DIAPH3: variants seen among roughly 807,000 people sequenced by gnomAD.
DIAPH3 encodes the protein diaphanous related formin 3.
In DIAPH3, 117 loss-of-function variants were observed where a neutral mutation model predicts 144.3. The ratio of observed to expected loss-of-function variants is 0.81; its 90% CI spans 0.70 to 0.95. The LOEUF (loss-of-function observed/expected upper bound fraction) is 0.95. DIAPH3 is among the 40% of genes least tolerant of loss of function. The pLI is 0.00. For missense variants in DIAPH3, 1,421 were observed against 1,412.7 expected (o/e 1.01, Z -0.09); for synonymous variants, 519 against 488.9 (o/e 1.06, Z -0.81).
chr13:59,708,071 T>A (rs1247395539), intron 27 of DIAPH3, among the ~76,000 whole-genome samples: 2 of 152,066 alleles, frequency 1.3e-5, no homozygotes, highest in East Asian at 3.9e-4. Flanking sequence ...TTCATTTTAT[T>A]ATTTTTTTAG....
At chr13:60,137,556 G>A (rs944421421) in intron 1 of DIAPH3, among the ~76,000 whole-genome samples, 1 of 152,020 alleles carries the variant, frequency 6.6e-6, no homozygotes, top group Non-Finnish European at 1.5e-5. Context: ...TCTTTCATTG[G>A]TTAGCATATC....
chr13:59,970,920 G>A lies in DIAPH3; in HGVS notation c.1891C>T (p.Pro631Ser). ...GQNSPPLPIL[P>S]FGLKPKKEFK... ...TCTTTCTTTGGTTTCAACCCAAATGGCAGGATTGGTAGAGGAGGAGAATTT... is the reference window on the plus strand; with the variant it reads ...TCTTTCTTTGGTTTCAACCCAAATGACAGGATTGGTAGAGGAGGAGAATTT... Residue 631 changes from proline to serine, a missense_variant, in exon 16 of 28, where the codon CCA (proline) becomes TCA (serine). Physicochemically the swap from Pro to Ser is moderately conservative, Grantham distance 74. Coordinates refer to ENST00000400324, the MANE Select transcript of DIAPH3 (RefSeq NM_001042517.2). 6.2e-7 allele frequency: 1 copy of A among 1,613,776 alleles called. No homozygotes were observed. The highest frequency in any genetic ancestry group is 8.5e-7 in the Non-Finnish European group (1 of 1,179,944).
intron 24 of DIAPH3, among the ~76,000 whole-genome samples, chr13:59,822,894 T>C (rs17666224): frequency 0.043 from 6,544 of 151,864 alleles, 162 homozygotes; most frequent in African/African-American, 0.052. Context: ...ACAAAGAACA[T>C]ACCATTTTAT....
chr13:59,870,743 TCAC>T (rs973898780), intron 21 of DIAPH3, among the ~76,000 whole-genome samples: 2 of 151,386 alleles, frequency 1.3e-5, no homozygotes, highest in Non-Finnish European at 2.9e-5. Flanking sequence ...CGATCTCGGC[TCAC>T]CACAACCTCC....
chr13:60,091,821 TA>T (rs1279079469), intron 4 of DIAPH3, among the ~76,000 whole-genome samples: 1 of 152,008 alleles, frequency 6.6e-6, no homozygotes, highest in African/African-American at 2.4e-5. Flanking sequence ...AATCATGAAA[TA>T]AACAATTTAA....
intron 24 of DIAPH3, among the ~76,000 whole-genome samples, chr13:59,830,813 C>T (rs2139706118): frequency 6.6e-6 from 1 of 151,980 alleles, no homozygotes. Context: ...AATAATTGAT[C>T]TAAAATATGT....
At chr13:60,052,276 G>C (rs1052032935) in intron 4 of DIAPH3, among the ~76,000 whole-genome samples, 10 of 152,114 alleles carry the variant, frequency 6.6e-5, no homozygotes, top group African/African-American at 2.2e-4. Flanking sequence ...AGGGCACTAA[G>C]TAAATAGGAA....
At chr13:59,908,104 C>G in intron 20 of DIAPH3, among the ~76,000 whole-genome samples, 1 of 152,066 alleles carries the variant, frequency 6.6e-6, no homozygotes, top group East Asian at 1.9e-4. Flanking sequence ...GGTGCAGTGG[C>G]TCACACCTGT....
chr13:59,955,723 G>A (rs1298029733), intron 17 of DIAPH3, among the ~76,000 whole-genome samples: 1 of 152,184 alleles, frequency 6.6e-6, no homozygotes, highest in East Asian at 1.9e-4. Context: ...TCAGAAGACA[G>A]GAAGATGTGG....
intron 4 of DIAPH3, among the ~76,000 whole-genome samples, chr13:60,079,745 T>A (rs1012280878): frequency 1.3e-5 from 2 of 152,032 alleles, no homozygotes; most frequent in Non-Finnish European, 2.9e-5. Context: ...TACATACTTG[T>A]ATATTTCATG....
At chr13:59,994,781 G>C (rs1472002688) in intron 9 of DIAPH3, among the ~76,000 whole-genome samples, 1 of 151,824 alleles carries the variant, frequency 6.6e-6, no homozygotes, top group Non-Finnish European at 1.5e-5. Flanking sequence ...AGAAAGGGGA[G>C]TAACGGGAAG....
At chr13:59,828,983 C>G (rs1334888443) in intron 24 of DIAPH3, among the ~76,000 whole-genome samples, 3 of 151,734 alleles carry the variant, frequency 2.0e-5, no homozygotes, top group South Asian at 4.2e-4. Flanking sequence ...GATTTTGAAA[C>G]TTTTCCCCCT....
At chr13:59,859,523 T>A (rs944592574) in intron 22 of DIAPH3, among the ~76,000 whole-genome samples, 2 of 152,134 alleles carry the variant, frequency 1.3e-5, no homozygotes, top group African/African-American at 4.8e-5. Flanking sequence ...CAATAAATTC[T>A]ACAATAAAAA....
chr13:59,978,920 A>G (rs1459174067), intron 14 of DIAPH3, among the ~76,000 whole-genome samples: 1 of 151,692 alleles, frequency 6.6e-6, no homozygotes, highest in Non-Finnish European at 1.5e-5. Context: ...TTCTCTATAT[A>G]CTTTCTGACA....
At chr13:59,935,603 C>T (rs1452947221) in intron 17 of DIAPH3, among the ~76,000 whole-genome samples, 8 of 151,992 alleles carry the variant, frequency 5.3e-5, no homozygotes, top group African/African-American at 1.7e-4. Context: ...GGCAATAGAC[C>T]GTTGGGAAAA....
intron 27 of DIAPH3, among the ~76,000 whole-genome samples, chr13:59,711,890 A>C (rs1445978634): frequency 1.3e-5 from 2 of 152,216 alleles, no homozygotes; most frequent in Admixed American, 6.5e-5. Flanking sequence ...CTCAATGGAC[A>C]AAGGATGGTA....
intron 17 of DIAPH3, among the ~76,000 whole-genome samples, chr13:59,929,419 G>A (rs1202198383): frequency 6.6e-6 from 1 of 150,642 alleles, no homozygotes; most frequent in Non-Finnish European, 1.5e-5. Context: ...CTATTTTTCT[G>A]GGCTACTAGT....
At chr13:59,929,743 T>C (rs1399792233) in intron 17 of DIAPH3, among the ~76,000 whole-genome samples, 11 of 151,560 alleles carry the variant, frequency 7.3e-5, no homozygotes, top group African/African-American at 2.4e-4. Flanking sequence ...TTTGTATTTT[T>C]TTTTTTTAGT....
At chr13:59,763,266 G>A (rs561476672) in intron 27 of DIAPH3, among the ~76,000 whole-genome samples, 40 of 150,458 alleles carry the variant, frequency 2.7e-4, no homozygotes, top group Middle Eastern at 3.4e-3. Flanking sequence ...ATATACATAT[G>A]TACACATATA....
Sources: allele counts gnomAD v4.1 joint callset (sites outside exome capture counted in the v4.1 genomes callset), GRCh38; gene constraint gnomAD v4.1.1; transcripts MANE v1.5; gene names NCBI Gene and HGNC (gene_info 2026-07-23, HGNC 2026-07-21).